The following PRKCA variants were observed in gnomAD, a reference collection of about 807,000 sequenced individuals.
PRKCA encodes protein kinase C alpha, also known as protein kinase C alpha type.
In PRKCA, 27 loss-of-function variants were observed where a neutral mutation model predicts 87.0. The observed-to-expected ratio is 0.31, with a 90% CI of 0.23 to 0.43. The LOEUF (loss-of-function observed/expected upper bound fraction) is 0.43. PRKCA is among the 20% of genes least tolerant of loss of function. PRKCA has a pLI of 1.00. For missense variants in PRKCA, 518 were observed against 852.3 expected, an observed-to-expected ratio of 0.61 and a Z score of 4.88; for synonymous variants, 329 against 311.1, an observed-to-expected ratio of 1.06 and a Z score of -0.61.
chr17:66,714,224 C>T (rs1376322225), intron 8 of PRKCA, among the ~76,000 whole-genome samples: 1 of 151,856 alleles, frequency 6.6e-6, no homozygotes, highest in Non-Finnish European at 1.5e-5. Context: ...TCCCCCCCAC[C>T]CGCTGCTTCC....
In PRKCA at chr17:66,796,303, C is replaced by T. The variant is rs750204694; in HGVS notation, c.1854+7324C>T. The T allele has an allele frequency of 5.3e-4, 165 of 311,764 alleles. 1 individual carries two copies. The highest frequency in any genetic ancestry group is 8.8e-4 in the South Asian group (7 of 7,980). The allele number at this position is 311,764 out of a possible 1,614,324, so 19.3% of individuals were successfully genotyped here. A position where few individuals can be genotyped will look rare whatever the true frequency, so the allele number is the denominator to read the frequency against. ...TGTTAAACACACCTTGCGTCTTTCA[C>T]GTAGCAATGTATCCGACAGGTGTTT... On this transcript the variant is annotated intron_variant, in intron 16 of 16. Coordinates refer to ENST00000413366, the MANE Select transcript of PRKCA (RefSeq NM_002737.3).
intron 2 of PRKCA, among the ~76,000 whole-genome samples, chr17:66,437,559 T>G (rs1913461507): frequency 1.3e-5 from 2 of 151,978 alleles, no homozygotes; most frequent in African/African-American, 4.8e-5. Flanking sequence ...CACTGACAGA[T>G]AGGGTGTCTT....
At chr17:66,693,272 C>T (rs902216001) in intron 8 of PRKCA, among the ~76,000 whole-genome samples, 1 of 152,186 alleles carries the variant, frequency 6.6e-6, no homozygotes, top group Non-Finnish European at 1.5e-5. Context: ...AAACCAGAAC[C>T]TTGATTGCGA....
intron 8 of PRKCA, among the ~76,000 whole-genome samples, chr17:66,710,325 C>T (rs74932577): frequency 0.021 from 3,122 of 152,196 alleles, 48 homozygotes; most frequent in South Asian, 0.048. Context: ...ATAATTGGAA[C>T]CTGTGCTGTG....
intron 5 of PRKCA, chr17:66,676,242 G>C (rs1429524257): frequency 6.6e-6 from 1 of 152,434 alleles, no homozygotes; most frequent in African/African-American, 2.4e-5. Flanking sequence ...GAAAATGTGA[G>C]CCAGAGGAAA....
rs1305286981 is a variant in PRKCA at position 66,662,535 on chromosome 17, A to G, written c.529+17024A>G. Among the ~76,000 whole-genome samples the G allele has an allele frequency of 2.0e-5, 3 of 152,246 alleles. No individual in the cohort carries two copies. In the East Asian group the frequency reaches 5.8e-4, roughly 29 times the overall value. On this transcript the variant is annotated intron_variant, in intron 5 of 16. Coordinates refer to ENST00000413366, the MANE Select transcript of PRKCA (RefSeq NM_002737.3). ...CCCCAGTCATTTCTTTTCTGTATCAATTTAGTCTCTCTTTAGTTTTGGTGC... is the reference window on the plus strand; with the variant it reads ...CCCCAGTCATTTCTTTTCTGTATCAGTTTAGTCTCTCTTTAGTTTTGGTGC...
At chr17:66,780,796 T>C (rs1395102754) in intron 14 of PRKCA, among the ~76,000 whole-genome samples, 1 of 152,090 alleles carries the variant, frequency 6.6e-6, no homozygotes, top group East Asian at 1.9e-4. Flanking sequence ...CACACCATAT[T>C]ACATAATTTT....
At chr17:66,799,283 ATGG>A (rs760043778) in intron 16 of PRKCA, among the ~76,000 whole-genome samples, 4 of 226 alleles carry the variant, frequency 0.018, no homozygotes, top group African/African-American at 0.056. Context: ...GGTGGTGGTG[ATGG>A]TGGTGGTGGT....
chr17:66,393,404 C>T (rs1910474942), intron 2 of PRKCA, among the ~76,000 whole-genome samples: 2 of 150,598 alleles, frequency 1.3e-5, no homozygotes, highest in African/African-American at 5.0e-5. Context: ...ACATGCTTCT[C>T]CCGGACACAC....
At chr17:66,398,939 G>A (rs2143674942) in intron 2 of PRKCA, among the ~76,000 whole-genome samples, 1 of 152,100 alleles carries the variant, frequency 6.6e-6, no homozygotes, top group Middle Eastern at 3.4e-3. Context: ...TTTATTTAAT[G>A]CTCGATTTTT....
In PRKCA at chr17:66,668,178, C is replaced by T. The variant is rs575266441; in HGVS notation, c.530-18933C>T. 2.3e-3 allele frequency among the ~76,000 whole-genome samples: 346 copies of T among 152,312 alleles called. 1 individual carries two copies. The highest frequency in any genetic ancestry group is 7.8e-3 in the African/African-American group (324 of 41,574). On this transcript the variant is annotated intron_variant, in intron 5 of 16. Coordinates refer to ENST00000413366, the MANE Select transcript of PRKCA (RefSeq NM_002737.3). ...CAGCCAAAAAACCTGGGAGGCACTC[C>T]TTTGCTATGGAGTTTCTCTCATTTC...
chr17:66,485,697 G>T (rs1438650926), intron 2 of PRKCA, among the ~76,000 whole-genome samples: 2 of 152,078 alleles, frequency 1.3e-5, no homozygotes, highest in Admixed American at 1.3e-4. Context: ...GCTTATAGAT[G>T]TGAGTGACAT....
intron 3 of PRKCA, among the ~76,000 whole-genome samples, chr17:66,612,315 AG>A (rs1488633728): frequency 7.2e-6 from 1 of 138,716 alleles, no homozygotes; most frequent in African/African-American, 2.7e-5. Flanking sequence ...CAGGAGATGG[AG>A]GTTGCAGTGA....
chr17:66,579,768 G>C (rs56161944), intron 3 of PRKCA, among the ~76,000 whole-genome samples: 1,540 of 152,306 alleles, frequency 0.01, 29 homozygotes, highest in African/African-American at 0.034. Context: ...TAGGAAGTGA[G>C]TGATGAAATT....
At chr17:66,315,544 A>G (rs1905273641) in intron 2 of PRKCA, among the ~76,000 whole-genome samples, 1 of 148,750 alleles carries the variant, frequency 6.7e-6, no homozygotes, top group Non-Finnish European at 1.5e-5. Context: ...CAGTAGTGTG[A>G]TCTCAACTCA....
intron 5 of PRKCA, among the ~76,000 whole-genome samples, chr17:66,652,898 G>A (rs1292760156): frequency 6.6e-6 from 1 of 152,206 alleles, no homozygotes; most frequent in East Asian, 1.9e-4. Flanking sequence ...TTCCTTTTGT[G>A]GATGGCAGAC....
At chr17:66,325,247 C>G (rs1905907560) in intron 2 of PRKCA, among the ~76,000 whole-genome samples, 1 of 152,184 alleles carries the variant, frequency 6.6e-6, no homozygotes, top group Non-Finnish European at 1.5e-5. Context: ...GCCAACAATC[C>G]TTTTTATCCC....
At chr17:66,715,130 G>GTT (rs60727876) in intron 8 of PRKCA, among the ~76,000 whole-genome samples, 13 of 144,226 alleles carry the variant, frequency 9.0e-5, no homozygotes, top group East Asian at 2.0e-4. Flanking sequence ...TTGTTTTTTG[G>GTT]TTTTTTTTTT....
chr17:66,649,450 A>G (rs769191621), intron 5 of PRKCA, among the ~76,000 whole-genome samples: 2 of 152,216 alleles, frequency 1.3e-5, no homozygotes, highest in Non-Finnish European at 2.9e-5. Flanking sequence ...TGACTCCCCA[A>G]CCAATCCCAT....
Sources: gnomAD v4.1 joint callset for allele counts (sites outside exome capture counted in the v4.1 genomes callset) on GRCh38, gnomAD v4.1.1 for gene constraint, MANE v1.5 for transcripts, NCBI Gene and HGNC (gene_info 2026-07-23, HGNC 2026-07-21) for gene names.